KCNH8: variants seen among roughly 807,000 people sequenced by gnomAD.
The protein encoded by KCNH8 is potassium voltage-gated channel subfamily H member 8.
In KCNH8, 70 loss-of-function variants were observed where a neutral mutation model predicts 103.6. That is an observed-to-expected ratio of 0.68 (90% CI 0.56 to 0.82). The LOEUF (loss-of-function observed/expected upper bound fraction) is 0.82. KCNH8 is among the 40% of genes least tolerant of loss of function. The probability of loss-of-function intolerance (pLI) is 0.00; values close to 1 mark genes in which losing one functional copy is unlikely to be tolerated. For synonymous variants in KCNH8, 498 were observed against 489.4 expected (o/e 1.02, Z -0.23); for missense variants, 1,217 against 1,329.9 (o/e 0.92, Z 1.32).
At chr3:19,243,933 GT>G (rs1416463665) in intron 1 of KCNH8, among the ~76,000 whole-genome samples, 3 of 152,046 alleles carry the variant, frequency 2.0e-5, no homozygotes, top group Non-Finnish European at 1.5e-5. Flanking sequence ...AATATGGCTG[GT>G]TTCATTTGCT....
chr3:19,209,786 G>A (rs1456587040), intron 1 of KCNH8, among the ~76,000 whole-genome samples: 1 of 152,056 alleles, frequency 6.6e-6, no homozygotes, highest in East Asian at 1.9e-4. Context: ...GCCAAGAAGA[G>A]AATTCAGACA....
At chr3:19,255,326 A>G (rs1196762006) in intron 2 of KCNH8, among the ~76,000 whole-genome samples, 3 of 152,150 alleles carry the variant, frequency 2.0e-5, no homozygotes, top group Admixed American at 6.6e-5. Flanking sequence ...ACTAATACGC[A>G]TATATTAAGA....
chr3:19,356,447 G>A (rs961202097), intron 5 of KCNH8, among the ~76,000 whole-genome samples: 3 of 151,918 alleles, frequency 2.0e-5, no homozygotes, highest in African/African-American at 7.2e-5. Flanking sequence ...ACTTAAATAT[G>A]AATGGTGAAT....
At chr3:19,508,464 A>G (rs1240096688) in intron 11 of KCNH8, among the ~76,000 whole-genome samples, 2 of 152,168 alleles carry the variant, frequency 1.3e-5, no homozygotes, top group Non-Finnish European at 2.9e-5. Flanking sequence ...CTTAACTCTA[A>G]TTTGGTCCTT....
rs538246391 is a variant in KCNH8 at position 19,356,655 on chromosome 3, A to C, written c.811+8690A>C. Reference sequence around the variant, plus strand: ...AACTTAAAATGAGAAGTGACTGAATAGCATTAATCGAATCCAATCTTTCTT... The same window carrying C: ...AACTTAAAATGAGAAGTGACTGAATCGCATTAATCGAATCCAATCTTTCTT... On this transcript the variant is annotated intron_variant, in intron 5 of 15. Coordinates refer to ENST00000328405, the MANE Select transcript of KCNH8 (RefSeq NM_144633.3). Among the ~76,000 whole-genome samples, 9 of 152,130 alleles carry C rather than the reference A, an allele frequency of 5.9e-5. No homozygotes were observed. In the South Asian group the frequency reaches 1.9e-3, roughly 31 times the overall value.
chr3:19,293,601 G>T (rs112216338), intron 3 of KCNH8, among the ~76,000 whole-genome samples: 7 of 152,244 alleles, frequency 4.6e-5, no homozygotes, highest in Admixed American at 1.3e-4. Flanking sequence ...TTCTTAGAAG[G>T]CTTCCCCAAC....
At chr3:19,456,229 A>G (rs970059361) in intron 10 of KCNH8, among the ~76,000 whole-genome samples, 1 of 152,052 alleles carries the variant, frequency 6.6e-6, no homozygotes, top group Non-Finnish European at 1.5e-5. Context: ...GTAATCTAAT[A>G]ATTTTAAAAC....
intron 3 of KCNH8, among the ~76,000 whole-genome samples, chr3:19,328,569 T>C (rs2065463115): frequency 6.6e-6 from 1 of 152,176 alleles, no homozygotes; most frequent in Admixed American, 6.5e-5. Flanking sequence ...GGCCATTTTT[T>C]CTATGAAAGA....
At chr3:19,289,109 G>T (rs942641618) in intron 3 of KCNH8, among the ~76,000 whole-genome samples, 26 of 152,086 alleles carry the variant, frequency 1.7e-4, no homozygotes, top group Middle Eastern at 3.4e-3. Context: ...TGAGTTCATT[G>T]TAGATTCTGG....
chr3:19,424,798 G>A (rs901745414), intron 7 of KCNH8, among the ~76,000 whole-genome samples: 11 of 152,044 alleles, frequency 7.2e-5, no homozygotes, highest in African/African-American at 1.7e-4. Flanking sequence ...TGAATAGACC[G>A]TTCTCAAAAG....
chr3:19,496,907 T>C (rs1364017587), intron 11 of KCNH8, among the ~76,000 whole-genome samples: 2 of 152,340 alleles, frequency 1.3e-5, no homozygotes, highest in East Asian at 3.9e-4. Flanking sequence ...AATTTCCTCC[T>C]GGTTCAGTTT....
rs565309876 is a variant in KCNH8, at chr3:19,320,748, C to T, written c.443-21839C>T. Among the ~76,000 whole-genome samples, 13 of 151,788 alleles carry T rather than the reference C, an allele frequency of 8.6e-5. No individual in the cohort carries two copies. In the South Asian group the frequency reaches 1.5e-3, roughly 17 times the overall value. On this transcript the variant is annotated intron_variant, in intron 3 of 15. Coordinates refer to ENST00000328405, the MANE Select transcript of KCNH8 (RefSeq NM_144633.3). ...TCTGTCTTTTGGGATAGTGTCAATACGATTGGTACCAATTCTTCTTTGAAT... is the reference window on the plus strand; with the variant it reads ...TCTGTCTTTTGGGATAGTGTCAATATGATTGGTACCAATTCTTCTTTGAAT...
intron 1 of KCNH8, among the ~76,000 whole-genome samples, chr3:19,220,065 G>A (rs2125230787): frequency 6.6e-6 from 1 of 152,252 alleles, no homozygotes. Context: ...TGTCAGGAGA[G>A]ATTCCCAGCA....
intron 3 of KCNH8, among the ~76,000 whole-genome samples, chr3:19,341,115 G>C (rs2065654095): frequency 6.6e-6 from 1 of 152,098 alleles, no homozygotes; most frequent in African/African-American, 2.4e-5. Flanking sequence ...CACGTGCACA[G>C]TGGCCTGACA....
chr3:19,434,027 T>C (rs1391756943), intron 7 of KCNH8, among the ~76,000 whole-genome samples: 1 of 152,198 alleles, frequency 6.6e-6, no homozygotes, highest in Non-Finnish European at 1.5e-5. Context: ...ACAAATGTGC[T>C]TGATAACATA....
intron 2 of KCNH8, among the ~76,000 whole-genome samples, chr3:19,278,366 A>G (rs2125272085): frequency 6.7e-6 from 1 of 148,788 alleles, no homozygotes; most frequent in Non-Finnish European, 1.5e-5. Flanking sequence ...GTGTGGATAA[A>G]TCTGGAGGGA....
chr3:19,213,713 T>C (rs558502706), intron 1 of KCNH8, among the ~76,000 whole-genome samples: 8 of 152,296 alleles, frequency 5.3e-5, no homozygotes, highest in African/African-American at 1.9e-4. Flanking sequence ...ATAACGGAAT[T>C]CCTTTAAGTA....
At position 19,419,194 on chromosome 3, in the gene KCNH8, G is replaced by GTTTTTTTTTTTTTTTTTTTTTTTTTTT. The variant is rs1491504046; in HGVS notation, c.1178-18970_1178-18969insTTTTTTTTTTTTTTTTTTTTTTTTTTT. Among the ~76,000 whole-genome samples the GTTTTTTTTTTTTTTTTTTTTTTTTTTT allele has an allele frequency of 3.1e-5, 2 of 64,118 alleles. 1 individual carries two copies. The highest frequency in any genetic ancestry group is 1.4e-4 in the African/African-American group (2 of 14,076). The allele number at this position is 64,118 out of a possible 152,430, so 42.1% of individuals were successfully genotyped here. A position where few individuals can be genotyped will look rare whatever the true frequency, so the allele number is the denominator to read the frequency against. On this transcript the variant is annotated intron_variant, in intron 7 of 15. Coordinates refer to ENST00000328405, the MANE Select transcript of KCNH8 (RefSeq NM_144633.3). ...AAAAAGAAGTAATTAAAATGGTTTT[G>GTTTTTTTTTTTTTTTTTTTTTTTTTTT]GTTTTTTTTTTTTTTTTTTTTTTGA...
At chr3:19,214,028 G>A (rs922656245) in intron 1 of KCNH8, among the ~76,000 whole-genome samples, 2 of 152,130 alleles carry the variant, frequency 1.3e-5, no homozygotes, top group South Asian at 4.1e-4. Context: ...TACCACCCCC[G>A]CCTGCCCGTG....
Sources: gnomAD v4.1 joint callset for allele counts (sites outside exome capture counted in the v4.1 genomes callset) on GRCh38, gnomAD v4.1.1 for gene constraint, MANE v1.5 for transcripts, NCBI Gene and HGNC (gene_info 2026-07-23, HGNC 2026-07-21) for gene names.